The following USP32 variants were observed in gnomAD, a reference collection of about 807,000 sequenced individuals.
USP32 encodes the protein ubiquitin carboxyl-terminal hydrolase 32.
A neutral mutation model predicts 204.8 loss-of-function variants in USP32; 59 were observed. The ratio of observed to expected loss-of-function variants is 0.29; its 90% confidence interval spans 0.23 to 0.36. The LOEUF (loss-of-function observed/expected upper bound fraction) is 0.36, where lower values mean the gene tolerates loss of function less well. Ranked by LOEUF, USP32 falls within the 10% of genes least tolerant of loss-of-function variation. The pLI is 1.00. For missense variants in USP32, 1,160 were observed against 1,946.4 expected, an observed-to-expected ratio of 0.60 and a Z score of 7.60; for synonymous variants, 517 against 678.4, an observed-to-expected ratio of 0.76 and a Z score of 3.70.
rs894039109 is a variant in USP32, at chr17:60,193,634, G to C, written c.3435-704C>G. On this transcript the variant is annotated intron_variant, in intron 27 of 33. Transcript: ENST00000300896. ...GTTGCAGTGAGCTGAGTTCAATAAA[G>C]CTGGGGGTGGGGGAGAAGGAAGCAA... Among the ~76,000 whole-genome samples the C allele has an allele frequency of 3.9e-5, 6 of 152,142 alleles. No homozygotes were observed. The East Asian group carries it at 9.6e-4, about 24-fold the overall frequency.
At chr17:60,252,228 T>A (rs1242190394) in intron 11 of USP32, among the ~76,000 whole-genome samples, 153 bp downstream of exon 11, 1 of 152,154 alleles carries the variant, frequency 6.6e-6, no homozygotes, top group Non-Finnish European at 1.5e-5. Context: ...CCTTCCCTTA[T>A]CTAGGAAGGT....
chr17:60,393,316 A>C (rs529253955), upstream of USP32, among the ~76,000 whole-genome samples: 5 of 152,336 alleles, frequency 3.3e-5, no homozygotes, highest in South Asian at 1.0e-3. Flanking sequence ...CATTTCCCAA[A>C]GAATGAAAAG....
chr17:60,199,310 T>TC (rs1000514120), intron 26 of USP32, among the ~76,000 whole-genome samples: 45 of 152,324 alleles, frequency 3.0e-4, no homozygotes, highest in African/African-American at 1.1e-3. Flanking sequence ...GTGATTTTAA[T>TC]CTTTTTTTTT....
At chr17:60,239,500 C>T (rs752291997) in intron 11 of USP32, among the ~76,000 whole-genome samples, 1 of 152,040 alleles carries the variant, frequency 6.6e-6, no homozygotes, top group Admixed American at 6.6e-5. Context: ...GTTCATTTTT[C>T]GTCATTCTGT....
intron 5 of USP32, among the ~76,000 whole-genome samples, chr17:60,277,254 C>T (rs933848331): frequency 6.6e-6 from 1 of 152,166 alleles, no homozygotes; most frequent in Non-Finnish European, 1.5e-5. Context: ...TCAGGTCTCA[C>T]CTCACCAAAG....
At chr17:60,398,226 C>G (rs2089912213) in intron 1 of USP32, among the ~76,000 whole-genome samples, 2 of 151,890 alleles carry the variant, frequency 1.3e-5, no homozygotes, top group African/African-American at 2.4e-5. Flanking sequence ...AATTACTAGC[C>G]ATCTCAAAAA....
At chr17:60,265,738 T>C (rs117659289) in intron 8 of USP32, among the ~76,000 whole-genome samples, 16 of 152,322 alleles carry the variant, frequency 1.1e-4, no homozygotes, top group Admixed American at 4.6e-4. Context: ...TTCTCATATA[T>C]GATTAAAAAT....
At chr17:60,297,655 G>C (rs2087468925) in intron 3 of USP32, among the ~76,000 whole-genome samples, 2 of 151,840 alleles carry the variant, frequency 1.3e-5, no homozygotes, top group African/African-American at 4.8e-5. Context: ...TAGTCAGGCT[G>C]GTCTCAAACT....
upstream of USP32, among the ~76,000 whole-genome samples, chr17:60,393,774 T>C (rs1196240429): frequency 6.6e-6 from 1 of 151,658 alleles, no homozygotes; most frequent in Non-Finnish European, 1.5e-5. Flanking sequence ...AACCTCTGCC[T>C]CTCTGGTTCA....
intron 1 of USP32, among the ~76,000 whole-genome samples, chr17:60,376,137 C>T (rs1318185348): frequency 6.6e-6 from 1 of 152,054 alleles, no homozygotes; most frequent in Non-Finnish European, 1.5e-5. Context: ...CCTCAAATTT[C>T]TGGACTCAAG....
intron 21 of USP32, among the ~76,000 whole-genome samples, chr17:60,210,463 C>T (rs1377085259): frequency 1.3e-5 from 2 of 152,238 alleles, no homozygotes; most frequent in African/African-American, 4.8e-5. Flanking sequence ...AAGCATGCAC[C>T]ACTATGCCCG....
chr17:60,330,541 TTC>T (rs1241357170), intron 2 of USP32, among the ~76,000 whole-genome samples: 6 of 149,426 alleles, frequency 4.0e-5, no homozygotes, highest in South Asian at 2.2e-4. Context: ...CTTTCTCTCT[TTC>T]TCTCTCTCTC....
chr17:60,236,972 T>C lies in USP32; in HGVS notation c.1137-732A>G, dbSNP rs2085743180. 2.0e-5 allele frequency among the ~76,000 whole-genome samples: 3 copies of C among 152,200 alleles called. No individual in the cohort carries two copies. In the South Asian group the frequency reaches 6.2e-4, roughly 31 times the overall value. ...ATTCCACTGTATGTATATATTACAT[T>C]TTGTTTATCCATCCAACACCTAAAG... On this transcript the variant is annotated intron_variant, in intron 11 of 33. Coordinates refer to ENST00000300896, the MANE Select transcript of USP32 (RefSeq NM_032582.4).
chr17:60,260,773 A>C (rs938692685), intron 9 of USP32, among the ~76,000 whole-genome samples: 2 of 152,120 alleles, frequency 1.3e-5, no homozygotes, highest in African/African-American at 4.8e-5. Context: ...AGTATTATTC[A>C]ATTTTTAAAT....
chr17:60,320,421 C>G (rs2088084129), intron 2 of USP32, among the ~76,000 whole-genome samples: 1 of 152,116 alleles, frequency 6.6e-6, no homozygotes, highest in Admixed American at 6.5e-5. Flanking sequence ...GTAATCAGAG[C>G]CTATGTCAGC....
At chr17:60,279,599 G>A (rs2086916986) in intron 5 of USP32, among the ~76,000 whole-genome samples, 1 of 151,996 alleles carries the variant, frequency 6.6e-6, no homozygotes, top group African/African-American at 2.4e-5. Flanking sequence ...CACTTTGGGA[G>A]GCTGAGGCAG....
At chr17:60,221,785 G>A (rs1168518117) in intron 15 of USP32, among the ~76,000 whole-genome samples, 2 of 152,038 alleles carry the variant, frequency 1.3e-5, no homozygotes, top group Non-Finnish European at 2.9e-5. Flanking sequence ...ATTACAGGTG[G>A]AAGAGTGTTT....
At chr17:60,401,589 C>T (rs1009875700) in intron 1 of USP32, among the ~76,000 whole-genome samples, 1 of 150,970 alleles carries the variant, frequency 6.6e-6, no homozygotes, top group African/African-American at 2.4e-5. Context: ...AAAAGTAGAC[C>T]TCTGGGGGCT....
chr17:60,190,590 G>A lies in USP32; in HGVS notation c.3615C>T (p.His1205=), dbSNP rs148934217. Residue 1205 remains histidine, a synonymous_variant, in exon 29 of 34, where the codon CAC becomes CAT. Coordinates refer to ENST00000300896, the MANE Select transcript of USP32 (RefSeq NM_032582.4). ...IAVDWDPTAL[H]LRYQTSQERV... Reference sequence around the variant, plus strand: ...TTTCCTGGGATGTTTGATAGCGAAGGTGAAGGGCTGTGGGATCCCAATCCA... The same window carrying A: ...TTTCCTGGGATGTTTGATAGCGAAGATGAAGGGCTGTGGGATCCCAATCCA... 1.1e-4 allele frequency: 168 copies of A among 1,594,580 alleles called. 1 individual carries two copies. The highest frequency in any genetic ancestry group is 1.0e-3 in the African/African-American group (74 of 73,658).
Sources: allele counts gnomAD v4.1 joint callset (sites outside exome capture counted in the v4.1 genomes callset), GRCh38; gene constraint gnomAD v4.1.1; transcripts MANE v1.5; gene names NCBI Gene and HGNC (gene_info 2026-07-23, HGNC 2026-07-21).